The following TRPM3 variants were observed in gnomAD, a reference collection of about 807,000 sequenced individuals.
The protein encoded by TRPM3 is transient receptor potential cation channel subfamily M member 3, also known as long transient receptor potential channel 3.
A neutral mutation model predicts 181.2 loss-of-function variants in TRPM3; 77 were observed. The observed-to-expected ratio is 0.42, with a 90% CI of 0.35 to 0.51. TRPM3 has a LOEUF of 0.51. TRPM3 is among the 20% of genes least tolerant of loss of function. The pLI is 0.01. For synonymous variants in TRPM3, 745 were observed against 796.4 expected, an observed-to-expected ratio of 0.94 and a Z score of 1.09; for missense variants, 1,759 against 2,196.7, an observed-to-expected ratio of 0.80 and a Z score of 3.98.
chr9:70,661,175 T>A (rs2061083118), intron 9 of TRPM3, among the ~76,000 whole-genome samples: 1 of 151,630 alleles, frequency 6.6e-6, no homozygotes, highest in Non-Finnish European at 1.5e-5. Context: ...TAAACAGAAT[T>A]AAAAACAAAA....
At chr9:70,860,244 A>C (rs2132342878) in intron 3 of TRPM3, among the ~76,000 whole-genome samples, 1 of 152,320 alleles carries the variant, frequency 6.6e-6, no homozygotes, top group East Asian at 1.9e-4. Context: ...CAGCTAAGTT[A>C]AATGGTTTAA....
intron 1 of TRPM3, among the ~76,000 whole-genome samples, chr9:71,043,121 C>T (rs1052159158): frequency 7.2e-5 from 11 of 152,136 alleles, no homozygotes; most frequent in African/African-American, 9.7e-5. Context: ...AGCTTTTAAG[C>T]GCCTAAATGT....
At chr9:70,975,171 A>C (rs2097291090) in intron 1 of TRPM3, among the ~76,000 whole-genome samples, 1 of 152,098 alleles carries the variant, frequency 6.6e-6, no homozygotes, top group African/African-American at 2.4e-5. Context: ...CCCCGCCTGG[A>C]ACATCAGTTT....
chr9:70,823,373 A>G (rs2093334602), intron 6 of TRPM3, among the ~76,000 whole-genome samples: 1 of 140,192 alleles, frequency 7.1e-6, no homozygotes, highest in Non-Finnish European at 1.5e-5. Flanking sequence ...AGTCTTGGTT[A>G]GAATAAGCTC....
chr9:71,391,332 G>A lies in TRPM3; in HGVS notation c.183+55321C>T, dbSNP rs150146245. 1.7e-3 allele frequency among the ~76,000 whole-genome samples: 259 copies of A among 152,080 alleles called. 2 individuals are homozygous for A. The highest frequency in any genetic ancestry group is 5.6e-4 in the Non-Finnish European group (38 of 67,900). On this transcript the variant is annotated intron_variant, in intron 1 of 24. Coordinates refer to the TRPM3 transcript ENST00000357533. ...GTTTCAGACCAGAATTAAAGTTCAA[G>A]TAACTGAGTCCATGATAATACTCAA...
chr9:71,000,271 A>C (rs1286122377), intron 1 of TRPM3, among the ~76,000 whole-genome samples: 1 of 152,196 alleles, frequency 6.6e-6, no homozygotes, highest in Non-Finnish European at 1.5e-5. Context: ...TACAATTCAG[A>C]ACCTTAAGAT....
chr9:71,297,380 C>T (rs2132304895), intron 1 of TRPM3, among the ~76,000 whole-genome samples: 1 of 152,262 alleles, frequency 6.6e-6, no homozygotes, highest in Non-Finnish European at 1.5e-5. Flanking sequence ...AGTCCATTCT[C>T]ATGCTGCTAT....
rs771870071 is a variant in TRPM3, at chr9:70,598,599, C to G, written c.2868G>C (p.Thr956=). ...AAAACAGAAGGATGGCGATGAGGTC[C>G]GTGACATTCCAGTACTCCTGCAGCC... is the stretch of plus-strand genomic sequence containing the variant. The part of the protein sequence containing the change: ...KVWLQEYWNV[T]DLIAILLFSV... The change falls in exon 21 of 26, where the codon ACG becomes ACC. Residue 956 remains threonine (T), a synonymous_variant. Coordinates refer to ENST00000677713, the MANE Select transcript of TRPM3 (RefSeq NM_001366145.2). 3.7e-6 allele frequency: 6 copies of G among 1,614,162 alleles called. No homozygotes were observed. Among genetic ancestry groups the G allele is most frequent in the Non-Finnish European group, 5.1e-6 (6 of 1,180,022 alleles).
chr9:71,203,554 T>C (rs973340823), intron 1 of TRPM3, among the ~76,000 whole-genome samples: 35 of 152,316 alleles, frequency 2.3e-4, no homozygotes, highest in African/African-American at 8.2e-4. Flanking sequence ...AAAGAATAAC[T>C]TTGGAGACTG....
chr9:70,685,489 T>C (rs532964756), intron 8 of TRPM3, among the ~76,000 whole-genome samples: 47 of 152,154 alleles, frequency 3.1e-4, no homozygotes, highest in Admixed American at 4.6e-4. Flanking sequence ...CAGTATAACC[T>C]TGAACTCCCA....
At chr9:70,927,560 A>G (rs930393605) in intron 1 of TRPM3, among the ~76,000 whole-genome samples, 3 of 151,936 alleles carry the variant, frequency 2.0e-5, no homozygotes, top group African/African-American at 4.8e-5. Flanking sequence ...TGTTCTATCA[A>G]CTCTCTTGGA....
At chr9:71,370,226 G>A (rs540891863) in intron 1 of TRPM3, among the ~76,000 whole-genome samples, 1 of 152,070 alleles carries the variant, frequency 6.6e-6, no homozygotes, top group South Asian at 2.1e-4. Context: ...AAGGCCTGTA[G>A]GTGTTCAAGT....
At chr9:70,771,174 C>T (rs570566800) in intron 7 of TRPM3, among the ~76,000 whole-genome samples, 1 of 152,256 alleles carries the variant, frequency 6.6e-6, no homozygotes, top group African/African-American at 2.4e-5. Context: ...CTGCAACCTC[C>T]TACTTTAATA....
chr9:71,174,413 G>T (rs967765197), intron 1 of TRPM3, among the ~76,000 whole-genome samples: 2 of 152,068 alleles, frequency 1.3e-5, no homozygotes, highest in Non-Finnish European at 2.9e-5. Context: ...GTAGTGGTAG[G>T]TGCCTGTAAT....
intron 1 of TRPM3, among the ~76,000 whole-genome samples, chr9:71,391,695 G>A (rs545225112): frequency 6.6e-6 from 1 of 152,148 alleles, no homozygotes; most frequent in Admixed American, 6.6e-5. Flanking sequence ...TACATCAAAT[G>A]CTTTCAAATT....
At chr9:71,419,898 A>G (rs1234597937) in intron 1 of TRPM3, among the ~76,000 whole-genome samples, 2 of 151,968 alleles carry the variant, frequency 1.3e-5, no homozygotes, top group Admixed American at 6.6e-5. Context: ...GTTCAGATAC[A>G]TATCTCAGGT....
chr9:70,772,843 A>C (rs2080595475), intron 7 of TRPM3, among the ~76,000 whole-genome samples: 1 of 152,230 alleles, frequency 6.6e-6, no homozygotes, highest in Non-Finnish European at 1.5e-5. Flanking sequence ...GCCACATGTC[A>C]GGTGGATTCT....
rs567054070 is a variant in TRPM3, at chr9:71,204,978, C to T, written c.183+241675G>A. Among the ~76,000 whole-genome samples the T allele has an allele frequency of 1.3e-3, 192 of 152,086 alleles. 3 individuals carry two copies. The highest frequency in any genetic ancestry group is 4.0e-3 in the African/African-American group (164 of 41,488). On this transcript the variant is annotated intron_variant, in intron 1 of 24. Transcript: ENST00000357533. ...TATCGCAAGGACAAAAAACCAAACA[C>T]GGCATGTTCTCACTCATAGATGGGA...
intron 1 of TRPM3, among the ~76,000 whole-genome samples, chr9:71,318,430 T>C (rs868637349): frequency 1.3e-5 from 2 of 152,260 alleles, no homozygotes; most frequent in South Asian, 2.1e-4. Flanking sequence ...AACAACAGAA[T>C]GGTGAAACAA....
Sources: allele counts gnomAD v4.1 joint callset (sites outside exome capture counted in the v4.1 genomes callset), GRCh38; gene constraint gnomAD v4.1.1; transcripts MANE v1.5; gene names NCBI Gene and HGNC (gene_info 2026-07-23, HGNC 2026-07-21).